AFF3: variants seen among roughly 807,000 people sequenced by gnomAD.
AFF3 encodes the protein ALF transcription elongation factor 3.
AFF3 carries 32 observed loss-of-function variants against 129.7 expected under a neutral mutation model. That is an observed-to-expected ratio of 0.25 (90% confidence interval 0.19 to 0.33). The LOEUF (loss-of-function observed/expected upper bound fraction) is 0.33. Among genes scored for constraint, AFF3 ranks in the 10% least tolerant of loss-of-function variants. The probability of loss-of-function intolerance (pLI) is 1.00; values close to 1 mark genes in which losing one functional copy is unlikely to be tolerated. For synonymous variants in AFF3, 644 were observed against 635.4 expected, an observed-to-expected ratio of 1.01 and a Z score of -0.20; for missense variants, 1,373 against 1,592.0, an observed-to-expected ratio of 0.86 and a Z score of 2.34.
At chr2:99,565,678 C>T (rs1675893682) in intron 19 of AFF3, 55 bp from the exon 20 acceptor site, 35 of 1,577,670 alleles carry the variant, frequency 2.2e-5, no homozygotes, top group Non-Finnish European at 2.8e-5. Context: ...TTTTAAATGG[C>T]ATTGTCATGT....
intron 13 of AFF3, among the ~76,000 whole-genome samples, chr2:99,629,364 C>T (rs961471917): frequency 6.6e-6 from 1 of 152,190 alleles, no homozygotes; most frequent in African/African-American, 2.4e-5. Flanking sequence ...TATATACCAA[C>T]AATAGCTGAG....
intron 11 of AFF3, among the ~76,000 whole-genome samples, chr2:99,674,351 G>A (rs1687428148): frequency 6.6e-6 from 1 of 152,240 alleles, no homozygotes; most frequent in Admixed American, 6.5e-5. Flanking sequence ...GAAGTGGGCT[G>A]TGTTTCCTTT....
chr2:100,047,027 C>T (rs1685894362), intron 4 of AFF3, among the ~76,000 whole-genome samples: 1 of 151,854 alleles, frequency 6.6e-6, no homozygotes, highest in Admixed American at 6.6e-5. Flanking sequence ...TACAGATCTA[C>T]ACTTTCCACT....
rs572014040 is a variant in AFF3 at position 99,675,372 on chromosome 2, A to C, written c.1092-2783T>G. 2.6e-5 allele frequency among the ~76,000 whole-genome samples: 4 copies of C among 152,288 alleles called. No homozygotes were observed. In the East Asian group the frequency reaches 5.8e-4, roughly 22 times the overall value. ...GGGTGATGCTATTCCCAAAACATGA[A>C]ATCACAGACCTGGGAGAGACGACCA... On this transcript the variant is annotated intron_variant, in intron 11 of 24. Coordinates refer to ENST00000672756, the MANE Select transcript of AFF3 (RefSeq NM_001386135.1).
chr2:99,711,238 C>A (rs1010657441), intron 11 of AFF3, among the ~76,000 whole-genome samples: 15 of 152,178 alleles, frequency 9.9e-5, no homozygotes, highest in African/African-American at 3.6e-4. Context: ...CCAAGAGGAT[C>A]TGGAGCAGGC....
chr2:99,859,928 C>T (rs962375359), intron 7 of AFF3, among the ~76,000 whole-genome samples: 2 of 151,570 alleles, frequency 1.3e-5, no homozygotes, highest in African/African-American at 4.8e-5. Context: ...CTTATGGTCG[C>T]CCCCCGCAAA....
intron 20 of AFF3, among the ~76,000 whole-genome samples, chr2:99,561,149 A>C (rs1490825609): frequency 6.6e-6 from 1 of 152,256 alleles, no homozygotes; most frequent in Admixed American, 6.5e-5. Context: ...ATAAGTTGTA[A>C]GTGCTTAGAC....
chr2:99,577,418 T>C lies in AFF3; in HGVS notation c.2918+909A>G, dbSNP rs546013583. ...GGCCCCGCTGAGCGAGCTGTGGCAT[T>C]TGTCACTGGGACTCTTGGACATGTA... On this transcript the variant is annotated intron_variant, in intron 18 of 24. Coordinates refer to ENST00000672756, the MANE Select transcript of AFF3 (RefSeq NM_001386135.1). Among the ~76,000 whole-genome samples, 20 of 152,234 alleles carry C rather than the reference T, an allele frequency of 1.3e-4. No homozygotes were observed. The South Asian group carries it at 3.3e-3, about 25-fold the overall frequency.
intron 4 of AFF3, among the ~76,000 whole-genome samples, chr2:100,037,832 ATATC>A (rs924004782): frequency 4.3e-5 from 6 of 140,274 alleles, no homozygotes; most frequent in Non-Finnish European, 7.6e-5. Context: ...AAATTAATCT[ATATC>A]TATTTACAAA....
In AFF3 at chr2:99,969,645, C is replaced by T. The variant is rs577080795; in HGVS notation, c.873+36987G>A. ...CTTGGATTACAGGTGCCTGCCACCC[C>T]ACCCAGGTTTTGTTGTTGTTGTTGT... On this transcript the variant is annotated intron_variant, in intron 7 of 24. Transcript: ENST00000672756. 7.9e-5 allele frequency among the ~76,000 whole-genome samples: 12 copies of T among 152,034 alleles called. No homozygotes were observed. The South Asian group carries it at 1.2e-3, about 16-fold the overall frequency.
intron 24 of AFF3, among the ~76,000 whole-genome samples, chr2:99,553,918 C>CAAAAAAA (rs61326965): frequency 4.2e-3 from 236 of 56,632 alleles, no homozygotes; most frequent in African/African-American, 9.0e-3. Context: ...TGTCTCAAAC[C>CAAAAAAA]AAAAAAAAAA....
At chr2:99,659,059 T>A (rs1686002544) in intron 12 of AFF3, among the ~76,000 whole-genome samples, 2 of 152,220 alleles carry the variant, frequency 1.3e-5, no homozygotes, top group South Asian at 4.1e-4. Context: ...GGGGAAGAAT[T>A]CTTTTTACCT....
At chr2:99,713,331 C>T (rs1678075684) in intron 11 of AFF3, among the ~76,000 whole-genome samples, 1 of 147,350 alleles carries the variant, frequency 6.8e-6, no homozygotes, top group Non-Finnish European at 1.5e-5. Context: ...TGCAGTGGCA[C>T]AATCTCGGCT....
intron 9 of AFF3, among the ~76,000 whole-genome samples, chr2:99,749,533 T>A (rs1412018136): frequency 6.6e-6 from 1 of 152,240 alleles, no homozygotes; most frequent in African/African-American, 2.4e-5. Flanking sequence ...TGGGTCTGGA[T>A]TATCTTGGCT....
chr2:99,760,125 T>A (rs909840782), intron 8 of AFF3, among the ~76,000 whole-genome samples: 3 of 152,170 alleles, frequency 2.0e-5, no homozygotes, highest in Non-Finnish European at 4.4e-5. Context: ...TCAAGCTGAG[T>A]TTCTGAATTG....
chr2:99,671,281 A>T (rs1687121841), intron 12 of AFF3, among the ~76,000 whole-genome samples: 1 of 152,206 alleles, frequency 6.6e-6, no homozygotes. Flanking sequence ...TTCTGCTAAG[A>T]TTGCTGTGTG....
chr2:99,828,236 A>G (rs1484277400), intron 8 of AFF3, among the ~76,000 whole-genome samples: 2 of 152,220 alleles, frequency 1.3e-5, no homozygotes, highest in Non-Finnish European at 2.9e-5. Flanking sequence ...TGACTGAAGG[A>G]TACTCTTCAA....
At chr2:99,590,980 A>T (rs1678611347) in intron 15 of AFF3, among the ~76,000 whole-genome samples, 1 of 151,372 alleles carries the variant, frequency 6.6e-6, no homozygotes, top group African/African-American at 2.4e-5. Context: ...CCTGGGCAAC[A>T]AGAGCGAAAC....
At chr2:99,776,541 G>A (rs1683916720) in intron 8 of AFF3, among the ~76,000 whole-genome samples, 1 of 152,162 alleles carries the variant, frequency 6.6e-6, no homozygotes, top group Non-Finnish European at 1.5e-5. Context: ...TGTTTTATAA[G>A]TGATGATAAA....
Sources: allele counts gnomAD v4.1 joint callset (sites outside exome capture counted in the v4.1 genomes callset), GRCh38; gene constraint gnomAD v4.1.1; transcripts MANE v1.5; gene names NCBI Gene and HGNC (gene_info 2026-07-23, HGNC 2026-07-21).